The following MAPRE3 variants were observed in gnomAD, a reference collection of about 807,000 sequenced individuals.
MAPRE3 encodes microtubule associated protein RP/EB family member 3.
A neutral mutation model predicts 30.5 loss-of-function variants in MAPRE3; 2 were observed. The observed-to-expected ratio is 0.07, with a 90% CI of 0.03 to 0.21. The LOEUF (loss-of-function observed/expected upper bound fraction) is 0.21. Among genes scored for constraint, MAPRE3 ranks in the 10% least tolerant of loss-of-function variants. The pLI is 1.00. For missense variants in MAPRE3, 204 were observed against 351.8 expected (o/e 0.58, Z 3.36); for synonymous variants, 110 against 127.7 (o/e 0.86, Z 0.93).
intron 1 of MAPRE3, among the ~76,000 whole-genome samples, chr2:26,994,990 C>T (rs1409017681): frequency 2.6e-5 from 4 of 152,120 alleles, no homozygotes; most frequent in East Asian, 1.9e-4. Flanking sequence ...GCACAAGCCA[C>T]CATGCCCAGC....
chr2:26,971,523 G>A (rs1298054702), intron 1 of MAPRE3, among the ~76,000 whole-genome samples: 2 of 152,184 alleles, frequency 1.3e-5, no homozygotes, highest in Non-Finnish European at 1.5e-5. Context: ...TAGAAGTAGT[G>A]GAGGGAAGGG....
intron 4 of MAPRE3, among the ~76,000 whole-genome samples, chr2:27,024,858 G>A (rs1300508056): frequency 3.3e-5 from 5 of 152,208 alleles, no homozygotes; most frequent in African/African-American, 4.8e-5. Flanking sequence ...AGCGTTGGGA[G>A]GGGAAGGGAG....
intron 1 of MAPRE3, chr2:27,013,004 C>G (rs1437630993): frequency 6.6e-6 from 1 of 152,542 alleles, no homozygotes; most frequent in African/African-American, 2.4e-5. Context: ...AACTATAAGC[C>G]AGACAGTCCA....
At chr2:27,016,636 G>A (rs890644501) in intron 1 of MAPRE3, among the ~76,000 whole-genome samples, 5 of 152,092 alleles carry the variant, frequency 3.3e-5, no homozygotes, top group African/African-American at 9.6e-5. Flanking sequence ...CGCCCACCTC[G>A]GCCTCCCAAA....
chr2:26,991,387 G>A lies in MAPRE3; in HGVS notation c.-8+20585G>A, dbSNP rs186971425. 1.9e-3 allele frequency among the ~76,000 whole-genome samples: 289 copies of A among 152,350 alleles called. 1 individual carries two copies. Among genetic ancestry groups the A allele is most frequent in the Middle Eastern group, 3.4e-3 (1 of 294 alleles). On this transcript the variant is annotated intron_variant, in intron 1 of 6. Coordinates refer to ENST00000233121, the MANE Select transcript of MAPRE3 (RefSeq NM_012326.4). ...CTAGTGGAAAGACAATAGCAGGAAG[G>A]AAGTGATAGTGGTGGCTGGACCAAT...
chr2:27,003,707 G>A (rs1666656993), intron 1 of MAPRE3, among the ~76,000 whole-genome samples: 1 of 152,202 alleles, frequency 6.6e-6, no homozygotes, highest in African/African-American at 2.4e-5. Flanking sequence ...CCCCATGAGA[G>A]GGTGCTGCTC....
At chr2:26,983,368 CT>C (rs1666156004) in intron 1 of MAPRE3, among the ~76,000 whole-genome samples, 1 of 152,190 alleles carries the variant, frequency 6.6e-6, no homozygotes, top group Non-Finnish European at 1.5e-5. Context: ...TACTGCTCTG[CT>C]TCCCCTGTGG....
chr2:26,983,717 A>C (rs1412187747), intron 1 of MAPRE3, among the ~76,000 whole-genome samples: 2 of 152,174 alleles, frequency 1.3e-5, no homozygotes, highest in African/African-American at 2.4e-5. Flanking sequence ...GGCATTAGGA[A>C]ATAACTAGTT....
At chr2:27,002,827 C>G (rs1666629807) in intron 1 of MAPRE3, 1 of 152,250 alleles carries the variant, frequency 6.6e-6, no homozygotes, top group Admixed American at 6.5e-5. Flanking sequence ...CCACCTGAGT[C>G]CTAATTCAAG....
chr2:27,005,503 G>C (rs1366994872), intron 1 of MAPRE3, among the ~76,000 whole-genome samples: 1 of 152,172 alleles, frequency 6.6e-6, no homozygotes, highest in Non-Finnish European at 1.5e-5. Flanking sequence ...CCCACATTTT[G>C]TAAGATTCTC....
intron 1 of MAPRE3, among the ~76,000 whole-genome samples, chr2:26,992,947 A>C (rs976272222): frequency 6.6e-6 from 1 of 152,154 alleles, no homozygotes; most frequent in Admixed American, 6.5e-5. Flanking sequence ...TTGTACTTCC[A>C]TGCCCTTTTT....
At chr2:26,987,008 T>A (rs1239806217) in intron 1 of MAPRE3, among the ~76,000 whole-genome samples, 1 of 152,078 alleles carries the variant, frequency 6.6e-6, no homozygotes, top group African/African-American at 2.4e-5. Context: ...TAGCTACCCT[T>A]GAAGTCAGAC....
chr2:26,971,590 A>T lies in MAPRE3; in HGVS notation c.-8+788A>T, dbSNP rs952668997. Among the ~76,000 whole-genome samples the T allele has an allele frequency of 2.0e-5, 3 of 151,454 alleles. No individual in the cohort carries two copies. In the East Asian group the frequency reaches 5.8e-4, roughly 29 times the overall value. ...CTGCGCTTCCGGTGTGGTGTTGTGA[A>T]TAAGCATCTTGCGGAACTCTTTAAA... On this transcript the variant is annotated intron_variant, in intron 1 of 6. Transcript: ENST00000233121.
chr2:27,001,601 A>G (rs781154667), intron 1 of MAPRE3, among the ~76,000 whole-genome samples: 12 of 152,188 alleles, frequency 7.9e-5, no homozygotes, highest in South Asian at 2.1e-4. Flanking sequence ...ACGGTGAACT[A>G]TGATTGCACC....
intron 1 of MAPRE3, among the ~76,000 whole-genome samples, chr2:26,996,429 T>C (rs1052927308): frequency 4.6e-5 from 7 of 152,160 alleles, no homozygotes; most frequent in African/African-American, 1.7e-4. Flanking sequence ...GTGCTGGGAT[T>C]ACAGGTGTGA....
intron 1 of MAPRE3, among the ~76,000 whole-genome samples, chr2:27,019,285 G>T (rs1013813266): frequency 1.4e-4 from 21 of 151,808 alleles, no homozygotes; most frequent in African/African-American, 5.1e-4. Flanking sequence ...CTCCCACAGA[G>T]GGGGTCAGAA....
At chr2:26,971,932 C>T (rs1301307278) in intron 1 of MAPRE3, among the ~76,000 whole-genome samples, 2 of 152,076 alleles carry the variant, frequency 1.3e-5, no homozygotes, top group Admixed American at 6.6e-5. Flanking sequence ...TGGACAATTC[C>T]CTGGGTTATG....
intron 1 of MAPRE3, among the ~76,000 whole-genome samples, chr2:27,004,367 A>C (rs1666674947): frequency 6.6e-6 from 1 of 152,156 alleles, no homozygotes; most frequent in African/African-American, 2.4e-5. Context: ...TTTAGCAGAA[A>C]ACTTGGGAAA....
chr2:27,024,340 C>T (rs200671158), intron 4 of MAPRE3, 43 bp downstream of exon 4: 7 of 1,576,216 alleles, frequency 4.4e-6, no homozygotes, highest in East Asian at 4.6e-5. Context: ...GGGGCCGGGC[C>T]GGCAGGCCTC....
Sources: allele counts gnomAD v4.1 joint callset (sites outside exome capture counted in the v4.1 genomes callset), GRCh38; gene constraint gnomAD v4.1.1; transcripts MANE v1.5; gene names NCBI Gene and HGNC (gene_info 2026-07-23, HGNC 2026-07-21).